CCDC125: variants seen among roughly 807,000 people sequenced by gnomAD.
CCDC125 encodes the protein coiled-coil domain containing 125.
A neutral mutation model predicts 57.4 loss-of-function variants in CCDC125; 43 were observed. The ratio of observed to expected loss-of-function variants is 0.75; its 90% CI spans 0.59 to 0.97. The LOEUF is 0.97. Among genes scored for constraint, CCDC125 ranks in the 50% least tolerant of loss-of-function variants. The pLI is 0.00. For synonymous variants in CCDC125, 187 were observed against 195.2 expected (o/e 0.96, Z 0.35); for missense variants, 563 against 595.7 (o/e 0.95, Z 0.57).
Position 69,314,462 on chromosome 5 carries a change from CA to C in CCDC125, c.305-417del, listed in dbSNP as rs10709690. 1.9e-3 allele frequency among the ~76,000 whole-genome samples: 272 copies of C among 142,800 alleles called. 1 individual carries two copies. Among genetic ancestry groups the C allele is most frequent in the African/African-American group, 6.3e-3 (243 of 38,508 alleles). The allele number at this position is 142,800 out of a possible 152,430, so 93.7% of individuals were successfully genotyped here. A position where few individuals can be genotyped will look rare whatever the true frequency, so the allele number is the denominator to read the frequency against. ...CCTGGGTGATAGAGTAACTCTGTTT[CA>C]AAAAAAAAAAAATTATAACAGACCA... On this transcript the variant is annotated intron_variant, in intron 2 of 11. Transcript: ENST00000396496.
intron 7 of CCDC125, among the ~76,000 whole-genome samples, chr5:69,302,274 T>C (rs1028950581): frequency 6.7e-6 from 1 of 150,244 alleles, no homozygotes; most frequent in Non-Finnish European, 1.5e-5. Context: ...ATACAAAAAT[T>C]AGCCAGGTGT....
At chr5:69,283,821 G>A (rs1433632401) in intron 11 of CCDC125, among the ~76,000 whole-genome samples, 9 of 144,852 alleles carry the variant, frequency 6.2e-5, no homozygotes, top group African/African-American at 7.7e-5. Context: ...ACAGAGTCTC[G>A]CTCTGTCACC....
intron 1 of CCDC125, among the ~76,000 whole-genome samples, chr5:69,325,325 CA>C (rs10689123): frequency 0.016 from 1,681 of 107,898 alleles, 24 homozygotes; most frequent in African/African-American, 0.052. Context: ...GATTCTGTCT[CA>C]AAAAAAAAAA....
chr5:69,293,071 G>A (rs1203220798), intron 9 of CCDC125, among the ~76,000 whole-genome samples: 1 of 151,318 alleles, frequency 6.6e-6, no homozygotes, highest in African/African-American at 2.4e-5. Context: ...GAACTCCTGA[G>A]CTCAGGTAAT....
intron 8 of CCDC125, 45 bp from the exon 9 acceptor site, chr5:69,294,945 T>G: frequency 1.3e-6 from 2 of 1,516,886 alleles, no homozygotes; most frequent in African/African-American, 2.7e-5. Flanking sequence ...TGTCACACTG[T>G]TTTAGCTGCA....
Position 69,311,210 on chromosome 5 carries a change from G to A in CCDC125, c.367-6C>T, listed in dbSNP as rs1758077858. 1 of 1,577,132 alleles carries A rather than the reference G, an allele frequency of 6.3e-7. No homozygotes were observed. The highest frequency in any genetic ancestry group is 1.4e-5 in the African/African-American group (1 of 73,956). On this transcript the variant is annotated splice_region_variant and splice_polypyrimidine_tract_variant and intron_variant, in intron 3 of 11. Transcript: ENST00000396496. ...GTTTTTAACATTTCTACCTCCTGAG[G>A]ACAGAAAGAAAATTAGTCTTCCTAT...
chr5:69,313,485 T>C (rs541473233), intron 3 of CCDC125: 4 of 1,060,472 alleles, frequency 3.8e-6, no homozygotes, highest in South Asian at 2.5e-5. Flanking sequence ...GCTTGATTCC[T>C]GTCAGCTTCT....
At position 69,306,586 on chromosome 5, in the gene CCDC125, A is replaced by G. The variant is rs576582516; in HGVS notation, c.617+231T>C. Among the ~76,000 whole-genome samples the G allele has an allele frequency of 3.9e-5, 6 of 152,324 alleles. No homozygotes were observed. In the South Asian group the frequency reaches 1.2e-3, roughly 32 times the overall value. Reference sequence around the variant, plus strand: ...CAAGTGATCCTCAGATCCAAGTGCCAAAGATTCCCAAAAGTGCTGGGATTA... The same window carrying G: ...CAAGTGATCCTCAGATCCAAGTGCCGAAGATTCCCAAAAGTGCTGGGATTA... On this transcript the variant is annotated intron_variant, in intron 6 of 11. Transcript: ENST00000396496.
chr5:69,324,082 G>A (rs1360599877), intron 1 of CCDC125, among the ~76,000 whole-genome samples: 1 of 146,918 alleles, frequency 6.8e-6, no homozygotes, highest in Admixed American at 6.7e-5. Context: ...ATTTGTTGTG[G>A]AGATCTCTCT....
At chr5:69,297,587 AC>A (rs1428036092) in intron 8 of CCDC125, among the ~76,000 whole-genome samples, 1 of 151,344 alleles carries the variant, frequency 6.6e-6, no homozygotes, top group African/African-American at 2.4e-5. Flanking sequence ...CAAACTCCCA[AC>A]CTTAGGTGAT....
At chr5:69,277,045 G>T, downstream of CCDC125, 1 of 1,404,580 alleles carries the variant, frequency 7.1e-7, no homozygotes. Context: ...AAATTGCTAT[G>T]AGAATGTGAA....
chr5:69,320,203 G>C (rs775944074), intron 2 of CCDC125, 34 bp downstream of exon 2: 2 of 1,552,816 alleles, frequency 1.3e-6, no homozygotes, highest in East Asian at 4.5e-5. Flanking sequence ...CTATGCACAG[G>C]AGAAAGAAAG....
At chr5:69,322,098 C>T (rs1019566243) in intron 1 of CCDC125, among the ~76,000 whole-genome samples, 1 of 152,044 alleles carries the variant, frequency 6.6e-6, no homozygotes, top group Non-Finnish European at 1.5e-5. Context: ...GCCTCGGCCT[C>T]CCAAAGTGCT....
downstream of CCDC125, among the ~76,000 whole-genome samples, chr5:69,279,569 C>T (rs76266526): frequency 3.0e-3 from 450 of 152,216 alleles, 5 homozygotes; most frequent in African/African-American, 0.011. Context: ...TAGCCCAGGG[C>T]CTCTCTCAGC....
chr5:69,291,351 TACTC>T lies in CCDC125; in HGVS notation c.1099+833_1099+836del, dbSNP rs1485248314. Among the ~76,000 whole-genome samples, 13 of 152,056 alleles carry T rather than the reference TACTC, an allele frequency of 8.5e-5. 1 individual carries two copies. Among genetic ancestry groups the T allele is most frequent in the Non-Finnish European group, 1.6e-4 (11 of 68,026 alleles). ...ATTTTTTAATACACAGATATAATAA[TACTC>T]AATACTGATCATTTTTTTTTTTTTG... On this transcript the variant is annotated intron_variant, in intron 10 of 11. Transcript: ENST00000396496.
At chr5:69,277,071 A>G (rs1752228582), downstream of CCDC125, 1 of 1,559,076 alleles carries the variant, frequency 6.4e-7, no homozygotes, top group Non-Finnish European at 8.7e-7. Context: ...TTAAATGTGA[A>G]CAACTTTTTT....
At chr5:69,313,220 G>A (rs2150533123) in intron 3 of CCDC125, among the ~76,000 whole-genome samples, 1 of 152,260 alleles carries the variant, frequency 6.6e-6, no homozygotes, top group Middle Eastern at 3.4e-3. Context: ...CCAGGGGGTG[G>A]GAGGTCTGTT....
At chr5:69,291,982 T>C (rs1240274601) in intron 10 of CCDC125, among the ~76,000 whole-genome samples, 1 of 152,232 alleles carries the variant, frequency 6.6e-6, no homozygotes, top group Non-Finnish European at 1.5e-5. Context: ...TATGTTATGG[T>C]TTATGGATTC....
chr5:69,283,108 T>A, intron 11 of CCDC125, 74 bp from the exon 12 acceptor site: 1 of 1,220,482 alleles, frequency 8.2e-7, no homozygotes, highest in Non-Finnish European at 1.1e-6. Context: ...AGGAGTATTG[T>A]ACTATTTTAT....
Sources: allele counts gnomAD v4.1 joint callset (sites outside exome capture counted in the v4.1 genomes callset), GRCh38; gene constraint gnomAD v4.1.1; transcripts MANE v1.5; gene names NCBI Gene and HGNC (gene_info 2026-07-23, HGNC 2026-07-21).